HEATR4: variants seen among roughly 807,000 people sequenced by gnomAD.
The protein encoded by HEATR4 is HEAT repeat containing 4, also known as HEAT repeat-containing protein 4.
HEATR4 carries 95 observed loss-of-function variants against 108.8 expected under a neutral mutation model. The ratio of observed to expected loss-of-function variants is 0.87; its 90% confidence interval spans 0.74 to 1.04. HEATR4 has a LOEUF of 1.04. Among genes scored for constraint, HEATR4 ranks in the 50% least tolerant of loss-of-function variants. The pLI, the probability that HEATR4 is intolerant of heterozygous loss-of-function variation, is 0.00. For synonymous variants in HEATR4, 443 were observed against 459.4 expected (o/e 0.96, Z 0.46); for missense variants, 1,152 against 1,253.8 (o/e 0.92, Z 1.23).
chr14:73,623,568 TC>T, the HEATR4 span, among the ~76,000 whole-genome samples: 1 of 152,128 alleles, frequency 6.6e-6, no homozygotes, highest in African/African-American at 2.4e-5. Flanking sequence ...GCACCTGTAG[TC>T]CCAGCTACTT....
the HEATR4 span, among the ~76,000 whole-genome samples, chr14:73,620,585 G>C: frequency 1.6e-4 from 23 of 148,040 alleles, no homozygotes; most frequent in African/African-American, 5.7e-4. Flanking sequence ...TTTTTTTTTT[G>C]AGACGGAGTC....
At chr14:73,484,150 C>G (rs1322268149) in intron 17 of HEATR4, among the ~76,000 whole-genome samples, 1 of 151,744 alleles carries the variant, frequency 6.6e-6, no homozygotes, top group Non-Finnish European at 1.5e-5. Context: ...AGCCATCATG[C>G]CTGGCCTCAT....
chr14:73,560,824 T>C (rs1037032448), upstream of HEATR4, among the ~76,000 whole-genome samples: 10 of 151,820 alleles, frequency 6.6e-5, no homozygotes, highest in African/African-American at 2.4e-4. Context: ...TTCTAATAAA[T>C]CAAAACCCTG....
chr14:73,521,012 C>T lies in HEATR4; in HGVS notation c.909G>A (p.Glu303=), dbSNP rs1887943462. Reference sequence around the variant, plus strand: ...TGTTGCCAGGCATGATCTCAACTGTCTCTGCTTGTTGGAAGTAACTGGGCA... The same window carrying T: ...TGTTGCCAGGCATGATCTCAACTGTTTCTGCTTGTTGGAAGTAACTGGGCA... ...YRLPSYFQQA[E]TVEIMPGNKS... is the part of the protein sequence containing the mutation. The change falls in exon 4 of 18, where the codon GAG becomes GAA. Residue 303 remains glutamate, a synonymous_variant. Transcript: ENST00000553558. 1.2e-6 allele frequency: 2 copies of T among 1,613,516 alleles called. No homozygotes were observed. The highest frequency in any genetic ancestry group is 1.3e-5 in the African/African-American group (1 of 74,736).
At chr14:73,587,177 G>A in the HEATR4 span, among the ~76,000 whole-genome samples, 1 of 151,182 alleles carries the variant, frequency 6.6e-6, no homozygotes, top group Non-Finnish European at 1.5e-5. Flanking sequence ...TCAGCCCCAC[G>A]AACAGCTGCC....
intron 2 of HEATR4, among the ~76,000 whole-genome samples, chr14:73,523,583 T>C (rs569220012): frequency 6.6e-6 from 1 of 152,340 alleles, no homozygotes; most frequent in South Asian, 2.1e-4. Flanking sequence ...GGGTTCTCCA[T>C]GAGTTTGGCC....
chr14:73,529,169 C>A (rs997749126), intron 2 of HEATR4: 1 of 152,038 alleles, frequency 6.6e-6, no homozygotes, highest in African/African-American at 2.4e-5. Context: ...GCTTGACCAA[C>A]ATGGTGAAAC....
intron 12 of HEATR4, 55 bp downstream of exon 12, chr14:73,500,495 G>T: frequency 6.5e-7 from 1 of 1,544,576 alleles, no homozygotes; most frequent in Non-Finnish European, 8.8e-7. Context: ...ACCAGGGAAG[G>T]TAATGCCCTC....
chr14:73,625,145 G>A, the HEATR4 span, among the ~76,000 whole-genome samples: 2 of 151,368 alleles, frequency 1.3e-5, no homozygotes, highest in African/African-American at 4.9e-5. Flanking sequence ...TGCAACCTCC[G>A]CCTCCTGGAT....
chr14:73,559,023 A>G (rs1226936452), upstream of HEATR4: 16 of 151,988 alleles, frequency 1.1e-4, no homozygotes, highest in Admixed American at 9.8e-4. Flanking sequence ...TTGTGGGTTC[A>G]GTCGGGGGTA....
chr14:73,597,598 T>TC, the HEATR4 span, among the ~76,000 whole-genome samples: 12 of 117,860 alleles, frequency 1.0e-4, no homozygotes, highest in Non-Finnish European at 1.2e-4. Flanking sequence ...TTTCTTTTTT[T>TC]TTTTTTTTTT....
At chr14:73,624,072 G>A in the HEATR4 span, among the ~76,000 whole-genome samples, 3 of 151,502 alleles carry the variant, frequency 2.0e-5, no homozygotes, top group Non-Finnish European at 2.9e-5. Context: ...GGATTGCTTG[G>A]GACCTGGAGT....
intron 3 of HEATR4, 62 bp downstream of exon 3, chr14:73,522,210 G>T: frequency 1.3e-6 from 2 of 1,525,596 alleles, no homozygotes; most frequent in Non-Finnish European, 1.8e-6. Flanking sequence ...GAGTCCACCT[G>T]GGAGTCCCTA....
At chr14:73,625,308 T>C in the HEATR4 span, among the ~76,000 whole-genome samples, 6 of 152,112 alleles carry the variant, frequency 3.9e-5, no homozygotes, top group Non-Finnish European at 7.4e-5. Context: ...TCCACCCGCC[T>C]TGGCCTCTCA....
the HEATR4 span, among the ~76,000 whole-genome samples, chr14:73,607,202 C>T: frequency 1.3e-5 from 2 of 152,118 alleles, no homozygotes; most frequent in African/African-American, 2.4e-5. Flanking sequence ...CCCAGCTACT[C>T]GGGAGGCTGA....
intron 17 of HEATR4, chr14:73,491,470 C>T (rs1207795214): frequency 2.7e-6 from 4 of 1,483,020 alleles, no homozygotes; most frequent in East Asian, 2.5e-5. Context: ...TGCTGTGCAC[C>T]GCGCAACACT....
the HEATR4 span, among the ~76,000 whole-genome samples, chr14:73,608,828 G>A: frequency 2.6e-3 from 399 of 152,342 alleles, 3 homozygotes; most frequent in African/African-American, 8.5e-3. Context: ...CAGCATGGCT[G>A]AGGAGGCCTC....
the HEATR4 span, among the ~76,000 whole-genome samples, chr14:73,632,917 A>G: frequency 1.3e-5 from 2 of 151,218 alleles, no homozygotes; most frequent in African/African-American, 4.9e-5. Context: ...AAAAATATAC[A>G]TTGTTAACAC....
rs138912901 is a variant in HEATR4 at position 73,533,611 on chromosome 14, G to A, written c.-151-3367C>T. 9.6e-3 allele frequency among the ~76,000 whole-genome samples: 1,104 copies of A among 114,608 alleles called. 394 individuals are homozygous for A. The East Asian group carries it at 0.24, about 25-fold the overall frequency. 75.2% of individuals were successfully genotyped at this position (114,608 alleles called of 152,430 possible). A position where few individuals can be genotyped will look rare whatever the true frequency, so the allele number is the denominator to read the frequency against. ...GGAGAATCACTTGATCCCAGGAGAC[G>A]GAGGTTTCAGTGAGCTGAGACCGCG... On this transcript the variant is annotated intron_variant, in intron 1 of 17. Coordinates refer to ENST00000553558, the MANE Select transcript of HEATR4 (RefSeq NM_001220484.1).
Sources: gnomAD v4.1 joint callset for allele counts (sites outside exome capture counted in the v4.1 genomes callset) on GRCh38, gnomAD v4.1.1 for gene constraint, MANE v1.5 for transcripts, NCBI Gene and HGNC (gene_info 2026-07-23, HGNC 2026-07-21) for gene names.